Variants in RMC1 observed in about 807,000 individuals in gnomAD.
RMC1 encodes the protein regulator of MON1-CCZ1.
In RMC1, 44 loss-of-function variants were observed where a neutral mutation model predicts 95.5. The observed-to-expected ratio is 0.46, with a 90% CI of 0.36 to 0.59. The LOEUF (loss-of-function observed/expected upper bound fraction) is 0.59. Among genes scored for constraint, RMC1 ranks in the 20% least tolerant of loss-of-function variants. RMC1 has a pLI of 0.00. For missense variants in RMC1, 705 were observed against 819.6 expected (o/e 0.86, Z 1.71); for synonymous variants, 320 against 303.6 (o/e 1.05, Z -0.56).
At position 23,529,636 on chromosome 18, in the gene RMC1, A is replaced by C. The variant is rs2058424891; in HGVS notation, c.1418A>C (p.Glu473Ala). Reference protein sequence around the residue: ...HVLSAFVEKKEMPHKFVIAVL... With the variant: ...HVLSAFVEKKAMPHKFVIAVL... The stretch of plus-strand genomic sequence containing the variant: ...AAGACCACATTTTTTTCTCCCTAGG[A>C]GATGCCTCATAAATTTGTGATAGCC... Residue 473 changes from glutamate to alanine, a missense_variant and splice_region_variant, in exon 16 of 20, where the codon GAG (glutamate) becomes GCG (alanine). Transcript: ENST00000269221. The C allele has an allele frequency of 1.9e-6, 3 of 1,613,926 alleles. No homozygotes were observed. The highest frequency in any genetic ancestry group is 2.5e-6 in the Non-Finnish European group (3 of 1,179,816).
intron 12 of RMC1, among the ~76,000 whole-genome samples, chr18:23,526,382 T>C (rs1449694624): frequency 6.6e-6 from 1 of 152,200 alleles, no homozygotes; most frequent in East Asian, 1.9e-4. Flanking sequence ...TGCCCCTGAA[T>C]GCAGAGGTTA....
intron 11 of RMC1, 115 bp from the exon 12 acceptor site, chr18:23,524,314 G>A (rs2058230820): frequency 6.7e-7 from 1 of 1,486,652 alleles, no homozygotes; most frequent in African/African-American, 1.4e-5. Context: ...ACTGTCCAGG[G>A]GCCTCGCGTT....
At chr18:23,512,016 C>CTTTTT (rs34759918) in intron 5 of RMC1, among the ~76,000 whole-genome samples, 1 of 127,222 alleles carries the variant, frequency 7.9e-6, no homozygotes, top group African/African-American at 2.9e-5. Flanking sequence ...GGTAGAAAGA[C>CTTTTT]TTTTTTTTTT....
intron 5 of RMC1, among the ~76,000 whole-genome samples, chr18:23,513,212 C>T (rs1467021855): frequency 2.0e-5 from 3 of 152,190 alleles, no homozygotes; most frequent in Admixed American, 6.5e-5. Context: ...CCTCAGCCTC[C>T]CAAAGTGCTG....
chr18:23,505,352 GCA>G, intron 2 of RMC1, among the ~76,000 whole-genome samples: 1 of 152,324 alleles, frequency 6.6e-6, no homozygotes, highest in Middle Eastern at 3.4e-3. Context: ...ATGAGCCGCT[GCA>G]CCCGGCCTGA....
intron 5 of RMC1, among the ~76,000 whole-genome samples, chr18:23,513,984 CTG>C (rs754468009): frequency 6.6e-6 from 1 of 152,204 alleles, no homozygotes; most frequent in African/African-American, 2.4e-5. Context: ...CCTTTCCACT[CTG>C]TGGATTGTGT....
intron 5 of RMC1, among the ~76,000 whole-genome samples, chr18:23,511,092 A>G (rs1174923085): frequency 6.6e-6 from 1 of 152,260 alleles, no homozygotes; most frequent in Non-Finnish European, 1.5e-5. Context: ...CCCATCAGTG[A>G]CAGATTGGAT....
chr18:23,520,131 T>C, intron 9 of RMC1, 71 bp from the exon 10 acceptor site: 1 of 1,132,870 alleles, frequency 8.8e-7, no homozygotes, highest in Non-Finnish European at 1.3e-6. Context: ...AACAGCAAGA[T>C]GGGATGGAAT....
intron 15 of RMC1, 46 bp downstream of exon 15, chr18:23,529,344 C>G: frequency 6.3e-7 from 1 of 1,575,018 alleles, no homozygotes; most frequent in Non-Finnish European, 8.6e-7. Flanking sequence ...ATGCTCAAAA[C>G]AAGGAAGTTG....
chr18:23,526,330 G>T (rs1350146901), intron 12 of RMC1, among the ~76,000 whole-genome samples: 10 of 152,212 alleles, frequency 6.6e-5, no homozygotes, highest in Non-Finnish European at 1.5e-5. Context: ...GTCTAGGGAA[G>T]TCCCCGTTTG....
At chr18:23,514,780 AAAAAGTT>A (rs2057955884) in intron 5 of RMC1, among the ~76,000 whole-genome samples, 2 of 152,170 alleles carry the variant, frequency 1.3e-5, no homozygotes, top group Non-Finnish European at 2.9e-5. Context: ...ATCTTCAAGA[AAAAAGTT>A]AAAAAGAAAG....
intron 7 of RMC1, 119 bp downstream of exon 7, chr18:23,516,542 C>G: frequency 1.0e-6 from 1 of 993,712 alleles, no homozygotes; most frequent in African/African-American, 1.6e-5. Context: ...AAGGAGGACT[C>G]CCCTTGTTCT....
chr18:23,526,397 G>GA (rs1213339382), intron 12 of RMC1, among the ~76,000 whole-genome samples: 1 of 152,194 alleles, frequency 6.6e-6, no homozygotes, highest in African/African-American at 2.4e-5. Flanking sequence ...AGGTTACTTG[G>GA]AAAAGAGTCA....
intron 7 of RMC1, among the ~76,000 whole-genome samples, chr18:23,517,428 G>A (rs1159199497): frequency 6.6e-6 from 1 of 152,102 alleles, no homozygotes; most frequent in East Asian, 1.9e-4. Flanking sequence ...GATTACAGGC[G>A]TGAGCCACCA....
intron 19 of RMC1, 139 bp from the exon 20 acceptor site, chr18:23,531,486 G>A: frequency 6.9e-7 from 1 of 1,449,864 alleles, no homozygotes; most frequent in Non-Finnish European, 9.0e-7. Flanking sequence ...AGCAGATAGG[G>A]TAACCCCAAA....
intron 13 of RMC1, among the ~76,000 whole-genome samples, chr18:23,527,267 T>C (rs1287358871): frequency 1.4e-5 from 2 of 146,206 alleles, no homozygotes; most frequent in Non-Finnish European, 3.0e-5. Flanking sequence ...AGTTTGGTGG[T>C]ATACACCTGT....
At chr18:23,516,128 C>G (rs1457222575) in intron 6 of RMC1, 132 bp downstream of exon 6, 31 of 1,401,848 alleles carry the variant, frequency 2.2e-5, no homozygotes, top group Non-Finnish European at 3.0e-5. Flanking sequence ...CACTAGAGGG[C>G]ACTCTGTATA....
chr18:23,529,342 A>C (rs2058412551), intron 15 of RMC1, 44 bp downstream of exon 15: 3 of 1,578,232 alleles, frequency 1.9e-6, no homozygotes, highest in South Asian at 1.2e-5. Flanking sequence ...GAATGCTCAA[A>C]ACAAGGAAGT....
chr18:23,524,550 C>G, intron 12 of RMC1, 68 bp downstream of exon 12: 1 of 1,528,020 alleles, frequency 6.5e-7, no homozygotes, highest in Non-Finnish European at 9.1e-7. Flanking sequence ...CAGTTGTAGC[C>G]AGGGACGTTT....
Sources: allele counts gnomAD v4.1 joint callset (sites outside exome capture counted in the v4.1 genomes callset), GRCh38; gene constraint gnomAD v4.1.1; transcripts MANE v1.5; gene names NCBI Gene and HGNC (gene_info 2026-07-23, HGNC 2026-07-21).